The following ESRRB variants were observed in gnomAD, a reference collection of about 807,000 sequenced individuals.
ESRRB encodes the protein estrogen related receptor beta.
Under a neutral mutation model 46.0 loss-of-function variants are expected in ESRRB, and 16 were observed. The ratio of observed to expected loss-of-function variants is 0.35; its 90% CI spans 0.24 to 0.53. ESRRB has a LOEUF of 0.53. Among genes scored for constraint, ESRRB ranks in the 20% least tolerant of loss-of-function variants. ESRRB has a pLI of 0.93. For synonymous variants in ESRRB, 246 were observed against 259.6 expected (o/e 0.95, Z 0.50); for missense variants, 488 against 607.4 (o/e 0.80, Z 2.07).
intron 1 of ESRRB, among the ~76,000 whole-genome samples, chr14:76,386,479 C>T (rs1261471829): frequency 3.2e-5 from 4 of 124,286 alleles, no homozygotes; most frequent in East Asian, 2.3e-4. Flanking sequence ...TTTTTTGCGA[C>T]AGAGTCTCAC....
At chr14:76,400,677 C>T (rs968574945) in intron 1 of ESRRB, among the ~76,000 whole-genome samples, 2 of 152,130 alleles carry the variant, frequency 1.3e-5, no homozygotes, top group African/African-American at 4.8e-5. Flanking sequence ...GGCCTAGAAC[C>T]CAGAAACTGG....
At chr14:76,317,816 G>A (rs1883820298) in intron 1 of ESRRB, among the ~76,000 whole-genome samples, 1 of 152,166 alleles carries the variant, frequency 6.6e-6, no homozygotes, top group Admixed American at 6.5e-5. Context: ...AGATCTCTTA[G>A]GCTCTCCAGC....
At chr14:76,472,058 T>G (rs1360296296) in intron 3 of ESRRB, among the ~76,000 whole-genome samples, 1 of 152,202 alleles carries the variant, frequency 6.6e-6, no homozygotes, top group Non-Finnish European at 1.5e-5. Context: ...ATGACAGAGC[T>G]GGGTGGAATC....
chr14:76,348,415 G>T (rs1039392928), intron 1 of ESRRB, among the ~76,000 whole-genome samples: 1 of 152,148 alleles, frequency 6.6e-6, no homozygotes, highest in Non-Finnish European at 1.5e-5. Context: ...TGGTTTCTTA[G>T]TATTCTTTCC....
intron 1 of ESRRB, among the ~76,000 whole-genome samples, chr14:76,316,643 C>T (rs1883803897): frequency 6.6e-6 from 1 of 152,150 alleles, no homozygotes; most frequent in Non-Finnish European, 1.5e-5. Flanking sequence ...TGGATGTCCA[C>T]CTGCTTTCAC....
chr14:76,340,024 G>C (rs372528889), intron 1 of ESRRB, among the ~76,000 whole-genome samples: 6 of 152,078 alleles, frequency 3.9e-5, no homozygotes, highest in Non-Finnish European at 8.8e-5. Context: ...GTTCCATCTC[G>C]GGGCAGGCGG....
intron 6 of ESRRB, chr14:76,495,696 CA>C (rs1423259921): frequency 2.0e-5 from 3 of 151,984 alleles, no homozygotes; most frequent in Admixed American, 1.3e-4. Context: ...TTAAATGTTT[CA>C]AAATGTTCAA....
intron 1 of ESRRB, among the ~76,000 whole-genome samples, chr14:76,348,027 C>G (rs1459209288): frequency 6.6e-6 from 1 of 152,154 alleles, no homozygotes; most frequent in Non-Finnish European, 1.5e-5. Context: ...TACCACACTT[C>G]CCAATGAATT....
chr14:76,469,993 G>A (rs1418702928), intron 3 of ESRRB, among the ~76,000 whole-genome samples: 1 of 134,532 alleles, frequency 7.4e-6, no homozygotes, highest in Non-Finnish European at 1.5e-5. Context: ...TGTCACCCAG[G>A]CTGGAGTGCA....
intron 1 of ESRRB, among the ~76,000 whole-genome samples, chr14:76,358,375 GAAAGAAAGAAAGAAAGAA>G: frequency 1.5e-5 from 1 of 65,224 alleles, no homozygotes; most frequent in Admixed American, 1.7e-4. Context: ...AAGAAAGAAA[GAAAGAAAGAAAGAAAGAA>G]AGAAAGAAAG....
chr14:76,450,144 G>T (rs928371459), intron 2 of ESRRB, among the ~76,000 whole-genome samples: 2 of 108,066 alleles, frequency 1.9e-5, no homozygotes, highest in Non-Finnish European at 3.6e-5. Flanking sequence ...ACTGAGAAAG[G>T]GGGGGGGTCT....
upstream of ESRRB, among the ~76,000 whole-genome samples, chr14:76,367,297 G>A (rs1884533529): frequency 6.6e-6 from 1 of 152,118 alleles, no homozygotes; most frequent in African/African-American, 2.4e-5. Context: ...GCTCATGCCT[G>A]TAATCCCAGT....
chr14:76,438,121 A>C (rs1741357447), intron 1 of ESRRB, among the ~76,000 whole-genome samples: 2 of 151,940 alleles, frequency 1.3e-5, no homozygotes, highest in African/African-American at 4.8e-5. Flanking sequence ...TAGGAAGGGA[A>C]ATGAGAGAGG....
chr14:76,476,881 C>T (rs1167602853), intron 3 of ESRRB, among the ~76,000 whole-genome samples: 1 of 152,226 alleles, frequency 6.6e-6, no homozygotes, highest in Non-Finnish European at 1.5e-5. Flanking sequence ...CTGAACATGG[C>T]TGTCCCTTTT....
rs1884754986 is a variant in ESRRB at position 76,376,144 on chromosome 14, T to C, written c.-258T>C. On this transcript the variant is annotated 5_prime_UTR_variant, in exon 1 of 7. Coordinates refer to ENST00000644823, the MANE Select transcript of ESRRB (RefSeq NM_001379180.1). This position sits in a 1 kb window ranked among gnomAD's most constrained non-coding sequence, Gnocchi z 4.1. ...GTAGGGTTAGTGGGCTCCAAGTCTC[T>C]TGTGCCCCAGCCTCCTCCACGGCTT... The C allele has an allele frequency of 1.1e-5, 4 of 364,416 alleles. No homozygotes were observed. Among genetic ancestry groups the C allele is most frequent in the East Asian group, 3.9e-5 (1 of 25,368 alleles). The allele number at this position is 364,416 out of a possible 1,614,324, so 22.6% of individuals were successfully genotyped here. A position where few individuals can be genotyped will look rare whatever the true frequency, so the allele number is the denominator to read the frequency against.
intron 1 of ESRRB, among the ~76,000 whole-genome samples, chr14:76,336,139 C>T (rs1365543866): frequency 6.6e-6 from 1 of 152,192 alleles, no homozygotes; most frequent in Non-Finnish European, 1.5e-5. Context: ...CCTTTTCACC[C>T]AATCTGCAAA....
intron 1 of ESRRB, among the ~76,000 whole-genome samples, chr14:76,346,433 C>T (rs547991091): frequency 6.6e-6 from 1 of 152,232 alleles, no homozygotes; most frequent in African/African-American, 2.4e-5. Context: ...CCCTGGCTCA[C>T]CCAGGGCAAC....
intron 1 of ESRRB, among the ~76,000 whole-genome samples, chr14:76,436,008 C>T (rs1887659612): frequency 6.6e-6 from 1 of 152,204 alleles, no homozygotes; most frequent in African/African-American, 2.4e-5. Flanking sequence ...TAGCGGGTTT[C>T]CCTCACCAAC....
At chr14:76,409,099 G>A (rs78001451) in intron 1 of ESRRB, among the ~76,000 whole-genome samples, 2,748 of 152,240 alleles carry the variant, frequency 0.018, 87 homozygotes, top group African/African-American at 0.063. Context: ...AAATGGGAAC[G>A]CCCAGGCTTC....
Sources: allele counts gnomAD v4.1 joint callset (sites outside exome capture counted in the v4.1 genomes callset), GRCh38; gene constraint gnomAD v4.1.1; non-coding constraint Gnocchi (gnomAD v3.1); transcripts MANE v1.5; gene names NCBI Gene and HGNC (gene_info 2026-07-23, HGNC 2026-07-21).